SYTL2: variants seen among roughly 807,000 people sequenced by gnomAD.
SYTL2 encodes the protein synaptotagmin-like protein 2.
Under a neutral mutation model 198.7 loss-of-function variants are expected in SYTL2, and 165 were observed. The ratio of observed to expected loss-of-function variants is 0.83; its 90% CI spans 0.73 to 0.94. The LOEUF (loss-of-function observed/expected upper bound fraction) is 0.94. Ranked by LOEUF, SYTL2 falls within the 40% of genes least tolerant of loss-of-function variation. The pLI is 0.00. For synonymous variants in SYTL2, 966 were observed against 917.7 expected, an observed-to-expected ratio of 1.05 and a Z score of -0.95; for missense variants, 2,835 against 2,582.8, an observed-to-expected ratio of 1.10 and a Z score of -2.12.
chr11:85,754,083 G>A (rs1261967729), intron 2 of SYTL2, among the ~76,000 whole-genome samples: 5 of 152,276 alleles, frequency 3.3e-5, no homozygotes, highest in South Asian at 2.1e-4. Context: ...CCTTTCTAAT[G>A]ATGTTTTGAT....
Position 85,724,983 on chromosome 11 carries a change from G to T in SYTL2, c.4375C>A (p.Gln1459Lys), listed in dbSNP as rs574549523. The change falls in exon 8 of 20, where the codon CAG (glutamine) becomes AAG (lysine). Residue 1459 changes from glutamine (Q) to lysine (K), a missense_variant. Gln to Lys is a moderately conservative substitution (Grantham distance 53, BLOSUM62 1). Around this residue, in one of 3 missense-constraint regions of SYTL2, gnomAD observed 2,645 missense variants for 2,381.7 expected, o/e 1.11. Coordinates refer to ENST00000359152, the MANE Select transcript of SYTL2 (RefSeq NM_206927.4). ...ATGGAAGCAAATGAGCTAAGCGTCTGGTCTGATGGAGACATTTGGGCAGCT... is the reference window on the plus strand; with the variant it reads ...ATGGAAGCAAATGAGCTAAGCGTCTTGTCTGATGGAGACATTTGGGCAGCT... ...YLAAQMSPSD[Q>K]TLSSFASIVA... 4.3e-6 allele frequency: 7 copies of T among 1,613,912 alleles called. No individual in the cohort carries two copies. The highest frequency in any genetic ancestry group is 5.9e-6 in the Non-Finnish European group (7 of 1,179,892).
At chr11:85,761,707 G>A (rs1261471329) in intron 1 of SYTL2, among the ~76,000 whole-genome samples, 1 of 152,220 alleles carries the variant, frequency 6.6e-6, no homozygotes, top group East Asian at 1.9e-4. Flanking sequence ...TGCCCAGGCT[G>A]TAGTACAGTG....
At chr11:85,698,615 G>A (rs1353547113) in intron 17 of SYTL2, among the ~76,000 whole-genome samples, 1 of 152,086 alleles carries the variant, frequency 6.6e-6, no homozygotes, top group Non-Finnish European at 1.5e-5. Flanking sequence ...ATGGCTCACT[G>A]CAGCCTCAAC....
chr11:85,828,187 G>C, the SYTL2 span, among the ~76,000 whole-genome samples: 5 of 152,154 alleles, frequency 3.3e-5, no homozygotes, highest in African/African-American at 1.2e-4. Flanking sequence ...TGTGGTGGAT[G>C]AATGAGTCAC....
the SYTL2 span, among the ~76,000 whole-genome samples, chr11:85,821,912 T>C: frequency 6.6e-6 from 1 of 152,224 alleles, no homozygotes; most frequent in Non-Finnish European, 1.5e-5. Flanking sequence ...TGAATGACTG[T>C]GCTAGACCCT....
At chr11:85,773,567 C>A (rs1591987161) in intron 1 of SYTL2, among the ~76,000 whole-genome samples, 1 of 152,114 alleles carries the variant, frequency 6.6e-6, no homozygotes, top group Non-Finnish European at 1.5e-5. Context: ...GTTTCCTTAT[C>A]CGTCTCCTTT....
chr11:85,763,499 C>T (rs2092152461), intron 1 of SYTL2, among the ~76,000 whole-genome samples: 1 of 152,148 alleles, frequency 6.6e-6, no homozygotes. Context: ...GTCTAATTAA[C>T]AACCAAATTT....
rs1481230852 is a variant in SYTL2 at position 85,720,962 on chromosome 11, G to C, written c.5327-3C>G. 2 of 1,588,624 alleles carry C rather than the reference G, an allele frequency of 1.3e-6. No individual in the cohort carries two copies. Among genetic ancestry groups the C allele is most frequent in the Non-Finnish European group, 1.7e-6 (2 of 1,159,602 alleles). ...AGGACTGGGTTCTTCTTCTGAACCT[G>C]TTATAAAACAAAATCGATGAACACT... On this transcript the variant is annotated splice_region_variant and splice_polypyrimidine_tract_variant and intron_variant, in intron 8 of 19. Coordinates refer to ENST00000359152, the MANE Select transcript of SYTL2 (RefSeq NM_206927.4).
At chr11:85,758,693 T>TA (rs1211263273) in intron 1 of SYTL2, among the ~76,000 whole-genome samples, 1 of 152,204 alleles carries the variant, frequency 6.6e-6, no homozygotes, top group Non-Finnish European at 1.5e-5. Flanking sequence ...GAAAAACACC[T>TA]ACCTGTGTGT....
At chr11:85,848,643 A>G in the SYTL2 span, among the ~76,000 whole-genome samples, 1 of 152,164 alleles carries the variant, frequency 6.6e-6, no homozygotes, top group Admixed American at 6.5e-5. Flanking sequence ...GTTATATTCT[A>G]TTGGTCTATA....
chr11:85,833,843 T>C, the SYTL2 span, among the ~76,000 whole-genome samples: 1 of 151,672 alleles, frequency 6.6e-6, no homozygotes, highest in Admixed American at 6.6e-5. Context: ...GGTTCAAGCT[T>C]TTCTCCTGCC....
chr11:85,712,360 T>C (rs2086453958), intron 12 of SYTL2, among the ~76,000 whole-genome samples: 1 of 152,218 alleles, frequency 6.6e-6, no homozygotes, highest in Non-Finnish European at 1.5e-5. Flanking sequence ...CTACCTAGTA[T>C]ATCAGATCAT....
chr11:85,761,805 C>T (rs550591629), intron 1 of SYTL2, among the ~76,000 whole-genome samples: 4 of 152,140 alleles, frequency 2.6e-5, no homozygotes, highest in Admixed American at 2.6e-4. Context: ...ATTACAGGCG[C>T]CCACGACCAT....
chr11:85,718,640 C>A (rs2087756219), intron 10 of SYTL2, 150 bp downstream of exon 10: 1 of 659,150 alleles, frequency 1.5e-6, no homozygotes, highest in South Asian at 1.9e-5. Context: ...TGTACCAAAT[C>A]AGAACTGTTT....
intron 1 of SYTL2, among the ~76,000 whole-genome samples, chr11:85,780,590 C>A (rs1566017495): frequency 6.6e-6 from 1 of 152,238 alleles, no homozygotes; most frequent in African/African-American, 2.4e-5. Flanking sequence ...TGAAGAGCTT[C>A]TTGTTAGCTG....
chr11:85,707,433 A>T lies in SYTL2; in HGVS notation c.6014T>A (p.Leu2005Gln). ...ATAGAGAGAGTTCATAGATACCCGC[A>T]GTATTTCGTTATACACAGGATTCAA... Reference protein sequence around the residue: ...KTLNPVYNEILRYKIEKQILK... With the variant: ...KTLNPVYNEIQRYKIEKQILK... The change falls in exon 15 of 20, where the codon CTG becomes CAG. Residue 2005 changes from leucine to glutamine, a missense_variant. Around this residue, in one of 3 missense-constraint regions of SYTL2, gnomAD observed 2,645 missense variants for 2,381.7 expected, o/e 1.11. Transcript: ENST00000359152. 6.2e-7 allele frequency: 1 copy of T among 1,609,544 alleles called. No individual in the cohort carries two copies. Among genetic ancestry groups the T allele is most frequent in the South Asian group, 1.1e-5 (1 of 90,868 alleles).
At chr11:85,827,895 C>A in the SYTL2 span, among the ~76,000 whole-genome samples, 2 of 152,156 alleles carry the variant, frequency 1.3e-5, no homozygotes, top group Non-Finnish European at 2.9e-5. Flanking sequence ...AAGTGAAACA[C>A]ACTCACAAAA....
At chr11:85,773,976 A>C (rs568254962) in intron 1 of SYTL2, among the ~76,000 whole-genome samples, 1 of 151,746 alleles carries the variant, frequency 6.6e-6, no homozygotes, top group East Asian at 1.9e-4. Flanking sequence ...TTCTTTTACC[A>C]AGAGGAAGGA....
chr11:85,705,418 T>A (rs951448289), intron 15 of SYTL2, among the ~76,000 whole-genome samples: 2 of 152,194 alleles, frequency 1.3e-5, no homozygotes, highest in African/African-American at 2.4e-5. Context: ...AGGTCTTTTT[T>A]AAAATAGTCT....
Sources: gnomAD v4.1 joint callset for allele counts (sites outside exome capture counted in the v4.1 genomes callset) on GRCh38, gnomAD v4.1.1 for gene constraint, gnomAD v4.1.1 regional missense constraint, MANE v1.5 for transcripts, NCBI Gene and HGNC (gene_info 2026-07-23, HGNC 2026-07-21) for gene names.